Variants in PFN3 observed in about 807,000 individuals in gnomAD.
PFN3 encodes the protein profilin 3, also known as profilin-3.
A neutral mutation model predicts 6.2 loss-of-function variants in PFN3; 7 were observed. The observed-to-expected ratio is 1.13, with a 90% CI of 0.64 to 2.13. PFN3 has a LOEUF of 2.13. PFN3 is among the 30% of genes most tolerant of loss of function. The probability of loss-of-function intolerance (pLI) is 0.00; values close to 1 mark genes in which losing one functional copy is unlikely to be tolerated. For missense variants in PFN3, 251 were observed against 209.3 expected, an observed-to-expected ratio of 1.20 and a Z score of -1.23; for synonymous variants, 112 against 97.7, an observed-to-expected ratio of 1.15 and a Z score of -0.87.
rs754087577 is a variant in PFN3 at position 177,400,500 on chromosome 5, G to A, written c.77C>T (p.Ala26Val). The A allele has an allele frequency of 6.3e-7, 1 of 1,593,756 alleles. No homozygotes were observed. The highest frequency in any genetic ancestry group is 8.5e-7 in the Non-Finnish European group (1 of 1,177,638). ...CGAAGCCCACACGCAGCTGTTGTCC[G>A]CATGGCCCACGATGGCCACGTCGTC... ...RIDDVAIVGH[A>V]DNSCVWASRP... Residue 26 changes from alanine (A) to valine (V), a missense_variant, in exon 1 of 1, where the codon GCG becomes GTG. Ala to Val is a moderately conservative substitution (Grantham distance 64). Coordinates refer to ENST00000358571, the MANE Select transcript of PFN3 (RefSeq NM_001029886.3).
At position 177,400,312 on chromosome 5, in the gene PFN3, G is replaced by C. The variant is rs774856448; in HGVS notation, c.265C>G (p.Arg89Gly). The C allele has an allele frequency of 1.3e-6, 2 of 1,570,072 alleles. No homozygotes were observed. The change falls in exon 1 of 1, where the codon CGC (arginine) becomes GGC (glycine). Residue 89 changes from arginine to glycine, a missense_variant. Arg to Gly is a moderately radical substitution (Grantham distance 125). Coordinates refer to ENST00000358571, the MANE Select transcript of PFN3 (RefSeq NM_001029886.3). ...GCGCGCGCGTCCAGCCCCTTGGTGC[G>C]TGCGTCCAGCACGCCGTCACCCTCG... ...LAEGDGVLDA[R>G]TKGLDARAVC...
Position 177,400,429 on chromosome 5 carries a change from C to T in PFN3, c.148G>A (p.Val50Met), listed in dbSNP as rs1282260682. The T allele has an allele frequency of 1.9e-6, 3 of 1,545,534 alleles. No homozygotes were observed. Among genetic ancestry groups the T allele is most frequent in the South Asian group, 1.2e-5 (1 of 85,084 alleles). ...LAAISPQEVG[V>M]LTGPDRHTFL... Reference sequence around the variant, plus strand: ...GTGTGCCTGTCCGGCCCCGTGAGCACGCCCACCTCCTGCGGCGAGATGGCC... The same window carrying T: ...GTGTGCCTGTCCGGCCCCGTGAGCATGCCCACCTCCTGCGGCGAGATGGCC... The change falls in exon 1 of 1, where the codon GTG (valine) becomes ATG (methionine). Residue 50 changes from valine (V) to methionine (M), a missense_variant. Transcript: ENST00000358571.
chr5:177,400,570 C>T lies in PFN3; in HGVS notation c.7G>A (p.Asp3Asn). ...ACTGCACTGATGTAGACCTTCCAGT[C>T]GCCCATCGCGCTCCGAGTGCGCCCA... MGDWKVYISAVLR... is the reference protein window; with the variant it reads MGNWKVYISAVLR... Residue 3 changes from aspartate to asparagine, a missense_variant, in exon 1 of 1, where the codon GAC becomes AAC. Physicochemically the swap from Asp to Asn is conservative, Grantham distance 23. Transcript: ENST00000358571. The T allele has an allele frequency of 6.3e-7, 1 of 1,594,362 alleles. No homozygotes were observed. The highest frequency in any genetic ancestry group is 1.1e-5 in the South Asian group (1 of 90,738).
At position 177,400,373 on chromosome 5, in the gene PFN3, GC is replaced by G; in HGVS notation, c.203del (p.Gly68AlafsTer43). 1 of 1,536,428 alleles carries G rather than the reference GC, an allele frequency of 6.5e-7. No individual in the cohort carries two copies. The highest frequency in any genetic ancestry group is 8.8e-7 in the Non-Finnish European group (1 of 1,142,394). ...GGTCGCGGATGACGCAGCAGCGGCG[GC>G]CCCCCACGCTCAGGCCCGCCTGCAG... ...TFLQAGLSVG[G>X]RRCCVIRDHL... On this transcript the variant is annotated frameshift_variant, in exon 1 of 1. Transcript: ENST00000358571. LOFTEE classifies it high-confidence loss of function.
Position 177,400,351 on chromosome 5 carries a change from C to G in PFN3, c.226G>C (p.Asp76His), listed in dbSNP as rs531106704. The G allele has an allele frequency of 7.0e-5, 108 of 1,534,268 alleles. 1 individual carries two copies. In the South Asian group the frequency reaches 8.0e-4, roughly 11 times the overall value. ...VGGRRCCVIRDHLLAEGDGVL... is the reference protein window; with the variant it reads ...VGGRRCCVIRHHLLAEGDGVL... ...CCGTCACCCTCGGCCAGCAGGTGGT[C>G]GCGGATGACGCAGCAGCGGCGGCCC... is the stretch of plus-strand genomic sequence containing the variant. Residue 76 changes from aspartate to histidine, a missense_variant, in exon 1 of 1, where the codon GAC (aspartate) becomes CAC (histidine). Physicochemically the swap from Asp to His is moderately conservative, Grantham distance 81. Coordinates refer to ENST00000358571, the MANE Select transcript of PFN3 (RefSeq NM_001029886.3).
chr5:177,400,473 C>A lies in PFN3; in HGVS notation c.104G>T (p.Arg35Leu). The change falls in exon 1 of 1, where the codon CGG (arginine) becomes CTG (leucine). Residue 35 changes from arginine to leucine, a missense_variant. Arg to Leu is a moderately radical substitution (Grantham distance 102). Transcript: ENST00000358571. The stretch of plus-strand genomic sequence containing the variant: ...GATGGCCGCCAGCAGGCCCCCGGGC[C>A]GCGAAGCCCACACGCAGCTGTTGTC... ...HADNSCVWASRPGGLLAAISP... is the reference protein window; with the variant it reads ...HADNSCVWASLPGGLLAAISP... 1 of 1,578,554 alleles carries A rather than the reference C, an allele frequency of 6.3e-7. No individual in the cohort carries two copies. The highest frequency in any genetic ancestry group is 1.7e-5 in the Admixed American group (1 of 57,168).
rs757169261 is a variant in PFN3, at chr5:177,400,255, G to C, written c.322C>G (p.Leu108Val). The C allele has an allele frequency of 2.0e-5, 32 of 1,610,060 alleles. No individual in the cohort carries two copies. Among genetic ancestry groups the C allele is most frequent in the Non-Finnish European group, 2.5e-5 (30 of 1,178,724 alleles). The change falls in exon 1 of 1, where the codon CTG (leucine) becomes GTG (valine). Residue 108 changes from leucine (L) to valine (V), a missense_variant. Leu to Val is a conservative substitution (Grantham distance 32). Coordinates refer to ENST00000358571, the MANE Select transcript of PFN3 (RefSeq NM_001029886.3). ...VCVGRAPRAL[L>V]VLMGRRGVHG... Reference sequence around the variant, plus strand: ...ACGCCGCGTCGGCCCATTAGCACCAGGAGCGCGCGCGGCGCACGGCCCACG... The same window carrying C: ...ACGCCGCGTCGGCCCATTAGCACCACGAGCGCGCGCGGCGCACGGCCCACG...
At position 177,400,541 on chromosome 5, in the gene PFN3, C is replaced by T; in HGVS notation, c.36G>A (p.Leu12=). The T allele has an allele frequency of 1.3e-6, 2 of 1,597,434 alleles. No individual in the cohort carries two copies. Among genetic ancestry groups the T allele is most frequent in the Non-Finnish European group, 1.7e-6 (2 of 1,179,264 alleles). The change falls in exon 1 of 1, where the codon CTG becomes CTA. Residue 12 remains leucine (L), a synonymous_variant. Transcript: ENST00000358571. ...GDWKVYISAV[L]RDQRIDDVAI... ...CCACGTCGTCGATGCGCTGGTCCCG[C>T]AGCACTGCACTGATGTAGACCTTCC...
rs898086103 is a variant in PFN3, at chr5:177,400,379, C to T, written c.198G>A (p.Val66=). 16 of 1,538,888 alleles carry T rather than the reference C, an allele frequency of 1.0e-5. No individual in the cohort carries two copies. The Admixed American group carries it at 3.0e-4, about 29-fold the overall frequency. Residue 66 remains valine (V), a synonymous_variant, in exon 1 of 1, where the codon GTG becomes GTA. Coordinates refer to ENST00000358571, the MANE Select transcript of PFN3 (RefSeq NM_001029886.3). ...GGATGACGCAGCAGCGGCGGCCCCCCACGCTCAGGCCCGCCTGCAGGAAGG... is the reference window on the plus strand; with the variant it reads ...GGATGACGCAGCAGCGGCGGCCCCCTACGCTCAGGCCCGCCTGCAGGAAGG... The part of the protein sequence containing the change: ...RHTFLQAGLS[V]GGRRCCVIRD...
rs1290853593 is a variant in PFN3 at position 177,400,294 on chromosome 5, C to G, written c.283G>C (p.Ala95Pro). ...GCACGGCCCACGCACACGGCGCGCGCGTCCAGCCCCTTGGTGCGTGCGTCC... is the reference window on the plus strand; with the variant it reads ...GCACGGCCCACGCACACGGCGCGCGGGTCCAGCCCCTTGGTGCGTGCGTCC... The part of the protein sequence containing the change: ...VLDARTKGLD[A>P]RAVCVGRAPR... The change falls in exon 1 of 1, where the codon GCG (alanine) becomes CCG (proline). Residue 95 changes from alanine to proline, a missense_variant. Transcript: ENST00000358571. The G allele has an allele frequency of 8.8e-6, 14 of 1,588,076 alleles. No individual in the cohort carries two copies. Among genetic ancestry groups the G allele is most frequent in the Non-Finnish European group, 1.2e-5 (14 of 1,168,744 alleles).
chr5:177,400,127 T>C lies in PFN3; in HGVS notation c.*36A>G. 1 of 1,604,042 alleles carries C rather than the reference T, an allele frequency of 6.2e-7. No individual in the cohort carries two copies. The highest frequency in any genetic ancestry group is 8.5e-7 in the Non-Finnish European group (1 of 1,176,126). Reference sequence around the variant, plus strand: ...AGCCGCGCCCAGGTCACAGTTTATTTGGCCCGCGCTACCAGTGGGCGGCCT... The same window carrying C: ...AGCCGCGCCCAGGTCACAGTTTATTCGGCCCGCGCTACCAGTGGGCGGCCT... On this transcript the variant is annotated 3_prime_UTR_variant, in exon 1 of 1. Transcript: ENST00000358571.
rs747403721 is a variant in PFN3 at position 177,400,540 on chromosome 5, G to T, written c.37C>A (p.Arg13=). 2 of 1,597,330 alleles carry T rather than the reference G, an allele frequency of 1.3e-6. No individual in the cohort carries two copies. Among genetic ancestry groups the T allele is most frequent in the Non-Finnish European group, 1.7e-6 (2 of 1,179,208 alleles). Residue 13 remains arginine (R), a synonymous_variant, in exon 1 of 1, where the codon CGG becomes AGG. Coordinates refer to ENST00000358571, the MANE Select transcript of PFN3 (RefSeq NM_001029886.3). ...DWKVYISAVL[R]DQRIDDVAIV... ...GCCACGTCGTCGATGCGCTGGTCCC[G>T]CAGCACTGCACTGATGTAGACCTTC...
chr5:177,400,335 T>C lies in PFN3; in HGVS notation c.242A>G (p.Glu81Gly). ...GCGTGCGTCCAGCACGCCGTCACCC[T>C]CGGCCAGCAGGTGGTCGCGGATGAC... ...CCVIRDHLLA[E>G]GDGVLDARTK... The change falls in exon 1 of 1, where the codon GAG (glutamate) becomes GGG (glycine). Residue 81 changes from glutamate (E) to glycine (G), a missense_variant. Physicochemically the swap from Glu to Gly is moderately conservative, Grantham distance 98. Coordinates refer to ENST00000358571, the MANE Select transcript of PFN3 (RefSeq NM_001029886.3). 5 of 1,540,796 alleles carry C rather than the reference T, an allele frequency of 3.2e-6. No individual in the cohort carries two copies. Among genetic ancestry groups the C allele is most frequent in the Non-Finnish European group, 4.4e-6 (5 of 1,145,364 alleles).
chr5:177,400,302 C>T lies in PFN3; in HGVS notation c.275G>A (p.Gly92Glu). 6.3e-7 allele frequency: 1 copy of T among 1,582,176 alleles called. No individual in the cohort carries two copies. Among genetic ancestry groups the T allele is most frequent in the Non-Finnish European group, 8.6e-7 (1 of 1,165,854 alleles). Residue 92 changes from glycine (G) to glutamate (E), a missense_variant, in exon 1 of 1, where the codon GGG becomes GAG. By Grantham distance (98) the Gly-to-Glu change is moderately conservative. Transcript: ENST00000358571. ...GDGVLDARTK[G>E]LDARAVCVGR... ...CACGCACACGGCGCGCGCGTCCAGC[C>T]CCTTGGTGCGTGCGTCCAGCACGCC...
chr5:177,400,337 GGCCAGCAGGTGGTC>G lies in PFN3; in HGVS notation c.226_239del (p.Asp76ArgfsTer3). 1 of 1,539,394 alleles carries G rather than the reference GGCCAGCAGGTGGTC, an allele frequency of 6.5e-7. No homozygotes were observed. The highest frequency in any genetic ancestry group is 8.7e-7 in the Non-Finnish European group (1 of 1,144,650). ...GTGCGTCCAGCACGCCGTCACCCTC[GGCCAGCAGGTGGTC>G]GCGGATGACGCAGCAGCGGCGGCCC... On this transcript the variant is annotated frameshift_variant, in exon 1 of 1. Coordinates refer to ENST00000358571, the MANE Select transcript of PFN3 (RefSeq NM_001029886.3). LOFTEE classifies it high-confidence loss of function.
Position 177,400,331 on chromosome 5 carries a change from A to T in PFN3, c.246T>A (p.Gly82=). Residue 82 remains glycine, a synonymous_variant, in exon 1 of 1, where the codon GGT becomes GGA. Coordinates refer to ENST00000358571, the MANE Select transcript of PFN3 (RefSeq NM_001029886.3). ...TGGTGCGTGCGTCCAGCACGCCGTCACCCTCGGCCAGCAGGTGGTCGCGGA... is the reference window on the plus strand; with the variant it reads ...TGGTGCGTGCGTCCAGCACGCCGTCTCCCTCGGCCAGCAGGTGGTCGCGGA... ...CVIRDHLLAE[G]DGVLDARTKG... 2 of 1,541,006 alleles carry T rather than the reference A, an allele frequency of 1.3e-6. No individual in the cohort carries two copies. The highest frequency in any genetic ancestry group is 1.7e-6 in the Non-Finnish European group (2 of 1,145,602).
Position 177,400,316 on chromosome 5 carries a change from G to A in PFN3, c.261C>T (p.Asp87=), listed in dbSNP as rs1316968775. 3 of 1,561,732 alleles carry A rather than the reference G, an allele frequency of 1.9e-6. No individual in the cohort carries two copies. The highest frequency in any genetic ancestry group is 2.6e-6 in the Non-Finnish European group (3 of 1,155,988). Residue 87 remains aspartate (D), a synonymous_variant, in exon 1 of 1, where the codon GAC becomes GAT. Transcript: ENST00000358571. ...HLLAEGDGVL[D]ARTKGLDARA... ...GCGCGTCCAGCCCCTTGGTGCGTGC[G>A]TCCAGCACGCCGTCACCCTCGGCCA...
chr5:177,400,253 C>G lies in PFN3; in HGVS notation c.324G>C (p.Leu108=), dbSNP rs753839538. 87 of 1,610,316 alleles carry G rather than the reference C, an allele frequency of 5.4e-5. 1 individual carries two copies. In the South Asian group the frequency reaches 9.0e-4, roughly 17 times the overall value. The change falls in exon 1 of 1, where the codon CTG becomes CTC. Residue 108 remains leucine, a synonymous_variant. Coordinates refer to ENST00000358571, the MANE Select transcript of PFN3 (RefSeq NM_001029886.3). The part of the protein sequence containing the change: ...VCVGRAPRAL[L]VLMGRRGVHG... ...GTACGCCGCGTCGGCCCATTAGCAC[C>G]AGGAGCGCGCGCGGCGCACGGCCCA...
At position 177,400,418 on chromosome 5, in the gene PFN3, C is replaced by A. The variant is rs374409343; in HGVS notation, c.159G>T (p.Gly53=). ...CCTGCAGGAAGGTGTGCCTGTCCGG[C>A]CCCGTGAGCACGCCCACCTCCTGCG... The part of the protein sequence containing the change: ...ISPQEVGVLT[G]PDRHTFLQAG... The change falls in exon 1 of 1, where the codon GGG becomes GGT. Residue 53 remains glycine, a synonymous_variant. Coordinates refer to ENST00000358571, the MANE Select transcript of PFN3 (RefSeq NM_001029886.3). 2.6e-6 allele frequency: 4 copies of A among 1,541,728 alleles called. No individual in the cohort carries two copies.
Sources: gnomAD v4.1 joint callset for allele counts on GRCh38, gnomAD v4.1.1 for gene constraint, MANE v1.5 for transcripts, NCBI Gene and HGNC (gene_info 2026-07-23, HGNC 2026-07-21) for gene names.